Variants in CYFIP1 observed in about 807,000 individuals in gnomAD.
The protein encoded by CYFIP1 is cytoplasmic FMR1 interacting protein 1.
Under a neutral mutation model 163.5 loss-of-function variants are expected in CYFIP1, and 58 were observed. The ratio of observed to expected loss-of-function variants is 0.35; its 90% CI spans 0.29 to 0.44. The LOEUF (loss-of-function observed/expected upper bound fraction) is 0.44. CYFIP1 is among the 20% of genes least tolerant of loss of function. The pLI is 1.00. For missense variants in CYFIP1, 1,338 were observed against 1,653.8 expected (o/e 0.81, Z 3.31); for synonymous variants, 663 against 660.7 (o/e 1.00, Z -0.05).
chr15:22,929,326 G>A (rs1028801293), intron 11 of CYFIP1, among the ~76,000 whole-genome samples: 2 of 151,870 alleles, frequency 1.3e-5, no homozygotes, highest in Non-Finnish European at 2.9e-5. Flanking sequence ...AGTAGTGCTG[G>A]CATTGCTCTT....
chr15:22,898,593 G>A lies in CYFIP1; in HGVS notation c.2588+5113C>T, dbSNP rs571213951. On this transcript the variant is annotated intron_variant, in intron 22 of 30. Coordinates refer to ENST00000617928, the MANE Select transcript of CYFIP1 (RefSeq NM_014608.6). Reference sequence around the variant, plus strand: ...TTTGTCACTCAGGCGGGCGTGCAGCGGCATGATCACAGCTCACTACAGCCT... The same window carrying A: ...TTTGTCACTCAGGCGGGCGTGCAGCAGCATGATCACAGCTCACTACAGCCT... 5.3e-5 allele frequency among the ~76,000 whole-genome samples: 8 copies of A among 152,062 alleles called. 1 individual carries two copies. The highest frequency in any genetic ancestry group is 4.1e-4 in the South Asian group (2 of 4,822).
chr15:22,948,919 T>A (rs962417788), intron 1 of CYFIP1, among the ~76,000 whole-genome samples: 1 of 151,574 alleles, frequency 6.6e-6, no homozygotes, highest in African/African-American at 2.4e-5. Flanking sequence ...ATTTTGGGGA[T>A]CTTCAGGACA....
chr15:22,891,905 C>T (rs984155860), intron 23 of CYFIP1, among the ~76,000 whole-genome samples: 11 of 152,220 alleles, frequency 7.2e-5, no homozygotes, highest in African/African-American at 2.7e-4. Flanking sequence ...AGCGTGTGAG[C>T]GGCAGGGCCT....
Position 22,944,878 on chromosome 15 carries a change from G to A in CYFIP1, c.269C>T (p.Ser90Phe), listed in dbSNP as rs776017602. The A allele has an allele frequency of 4.3e-5, 70 of 1,614,044 alleles. No homozygotes were observed. The highest frequency in any genetic ancestry group is 5.8e-5 in the Non-Finnish European group (69 of 1,180,000). Reference sequence around the variant, plus strand: ...GCGTGGCACCTGTGGGATGGCCCGGGAGCAGCTCCTCCAGGTGTACAGCAT... The same window carrying A: ...GCGTGGCACCTGTGGGATGGCCCGGAAGCAGCTCCTCCAGGTGTACAGCAT... ...AVMLYTWRSC[S>F]RAIPQVKCNE... The change falls in exon 4 of 31, where the codon TCC becomes TTC. Residue 90 changes from serine (S) to phenylalanine (F), a missense_variant. Coordinates refer to ENST00000617928, the MANE Select transcript of CYFIP1 (RefSeq NM_014608.6).
Position 22,873,843 on chromosome 15 carries a change from G to C in CYFIP1, c.3211-114C>G. The C allele has an allele frequency of 6.3e-6, 6 of 945,766 alleles. No individual in the cohort carries two copies. In the South Asian group the frequency reaches 9.3e-5, roughly 15 times the overall value. 58.6% of individuals were successfully genotyped at this position (945,766 alleles called of 1,614,324 possible). ...GTCTTGCTCTGCTGCCTAGGCTGGA[G>C]TGCAGTGGCACAATCACAGCTCGCT... On this transcript the variant is annotated intron_variant, in intron 28 of 30. Transcript: ENST00000617928.
intron 1 of CYFIP1, among the ~76,000 whole-genome samples, chr15:22,963,191 A>G (rs1456116144): frequency 2.6e-5 from 4 of 152,162 alleles, no homozygotes; most frequent in African/African-American, 9.7e-5. Flanking sequence ...AATGTTTTGT[A>G]TAAGTTTGAA....
At position 22,947,218 on chromosome 15, in the gene CYFIP1, G is replaced by A. The variant is rs2062091573; in HGVS notation, c.68C>T (p.Pro23Leu). 1.2e-6 allele frequency: 2 copies of A among 1,613,884 alleles called. No individual in the cohort carries two copies. The highest frequency in any genetic ancestry group is 1.7e-5 in the Admixed American group (1 of 59,990). Residue 23 changes from proline (P) to leucine (L), a missense_variant, in exon 2 of 31, where the codon CCC (proline) becomes CTC (leucine). By Grantham distance (98) the Pro-to-Leu change is moderately conservative. This residue lies in a region of CYFIP1 where 186 missense variants were observed against 288.3 expected (regional missense o/e 0.65). Coordinates refer to ENST00000617928, the MANE Select transcript of CYFIP1 (RefSeq NM_014608.6). ...GGGCTCGATGCAGGGCTGCTGGTCGGGCAGGGGCAGCTCCTCCAGGAGGTC... is the reference window on the plus strand; with the variant it reads ...GGGCTCGATGCAGGGCTGCTGGTCGAGCAGGGGCAGCTCCTCCAGGAGGTC... Reference protein sequence around the residue: ...NVDLLEELPLPDQQPCIEPPP... With the variant: ...NVDLLEELPLLDQQPCIEPPP...
In CYFIP1 at chr15:22,909,214, C is replaced by A; in HGVS notation, c.2368G>T (p.Glu790Ter). 1.2e-6 allele frequency: 2 copies of A among 1,614,148 alleles called. No homozygotes were observed. The highest frequency in any genetic ancestry group is 1.7e-6 in the Non-Finnish European group (2 of 1,180,006). ...LELAIGRFES[E>*]DLTSIVELDG... ...CTTACAACTATGGAGGTCAAATCTT[C>A]ACTTTCAAATCGTCCAATCGCCAGT... The change falls in exon 21 of 31, where the codon GAA becomes TAA. Residue 790 changes from glutamate (E) to a stop codon, truncating the protein, a stop_gained. Transcript: ENST00000617928. LOFTEE classifies it high-confidence loss of function.
chr15:22,944,765 G>A (rs2062002069), intron 4 of CYFIP1, 97 bp downstream of exon 4: 14 of 1,517,346 alleles, frequency 9.2e-6, no homozygotes, highest in South Asian at 6.7e-5. Context: ...GTGAGAACTG[G>A]GAGGAGAGTG....
At chr15:22,926,903 C>T (rs1045260363) in intron 12 of CYFIP1, among the ~76,000 whole-genome samples, 2 of 152,110 alleles carry the variant, frequency 1.3e-5, no homozygotes, top group East Asian at 1.9e-4. Context: ...ATATTTATGG[C>T]GATGGACATC....
At chr15:22,875,549 A>G (rs907160161) in intron 26 of CYFIP1, 4 of 383,176 alleles carry the variant, frequency 1.0e-5, no homozygotes, top group African/African-American at 2.0e-5. Context: ...ATGTAAATAT[A>G]GACACAGGTA....
Position 22,910,585 on chromosome 15 carries a change from CCT to C in CYFIP1, c.2201_2202del (p.Gln734ArgfsTer10). 1.9e-6 allele frequency: 3 copies of C among 1,614,182 alleles called. No individual in the cohort carries two copies. The highest frequency in any genetic ancestry group is 1.1e-5 in the South Asian group (1 of 91,076). Reference sequence around the variant, plus strand: ...GACGGCGGGAGGTGGATCGTGGCTCCCTGATTCTTGCATTCTGATCGTAACCG... The same window carrying C: ...GACGGCGGGAGGTGGATCGTGGCTCCGATTCTTGCATTCTGATCGTAACCG... ...DKRLRSECKN[Q>X]GATIHLPPSN... On this transcript the variant is annotated frameshift_variant, in exon 20 of 31. Transcript: ENST00000617928. LOFTEE classifies it high-confidence loss of function.
intron 22 of CYFIP1, among the ~76,000 whole-genome samples, chr15:22,898,770 G>A (rs1396185466): frequency 6.6e-6 from 1 of 152,068 alleles, no homozygotes; most frequent in Non-Finnish European, 1.5e-5. Context: ...TTGGGAGGCT[G>A]AGGTGGGCGG....
intron 1 of CYFIP1, among the ~76,000 whole-genome samples, chr15:22,960,558 C>T (rs1238824902): frequency 1.3e-5 from 2 of 152,238 alleles, no homozygotes; most frequent in African/African-American, 4.8e-5. Flanking sequence ...GAAAGGTATC[C>T]AGGCCATTTA....
chr15:22,874,903 G>T (rs894420861), intron 27 of CYFIP1, among the ~76,000 whole-genome samples: 6 of 152,096 alleles, frequency 3.9e-5, no homozygotes, highest in Non-Finnish European at 8.8e-5. Flanking sequence ...CAATGAGCCT[G>T]TACCCATCAT....
intron 23 of CYFIP1, among the ~76,000 whole-genome samples, chr15:22,885,004 C>T (rs1470289755): frequency 1.3e-5 from 2 of 151,710 alleles, no homozygotes; most frequent in Admixed American, 1.3e-4. Context: ...ACCATAGGGG[C>T]AGGGCAGGCC....
chr15:22,951,273 A>C, intron 1 of CYFIP1: 3 of 1,093,510 alleles, frequency 2.7e-6, no homozygotes, highest in Non-Finnish European at 3.4e-6. Context: ...TCACTGCTGC[A>C]TGTTCCTCAC....
intron 5 of CYFIP1, among the ~76,000 whole-genome samples, chr15:22,944,161 C>T (rs1225466424): frequency 1.3e-5 from 2 of 150,130 alleles, no homozygotes; most frequent in African/African-American, 2.5e-5. Flanking sequence ...ATCGCTTGAA[C>T]CTGGGAGGCA....
At chr15:22,934,977 G>C (rs1217180485) in intron 9 of CYFIP1, among the ~76,000 whole-genome samples, 1 of 152,138 alleles carries the variant, frequency 6.6e-6, no homozygotes, top group Non-Finnish European at 1.5e-5. Context: ...AAATGATCAT[G>C]TTTGTGCCTA....
Sources: gnomAD v4.1 joint callset for allele counts (sites outside exome capture counted in the v4.1 genomes callset) on GRCh38, gnomAD v4.1.1 for gene constraint, gnomAD v4.1.1 regional missense constraint, MANE v1.5 for transcripts, NCBI Gene and HGNC (gene_info 2026-07-23, HGNC 2026-07-21) for gene names.